Variants in PKNOX1 observed in about 807,000 individuals in gnomAD.
PKNOX1 encodes PBX/knotted 1 homeobox 1, also known as homeobox protein PKNOX1.
In PKNOX1, 15 loss-of-function variants were observed where a neutral mutation model predicts 51.9. The ratio of observed to expected loss-of-function variants is 0.29; its 90% CI spans 0.19 to 0.45. The LOEUF (loss-of-function observed/expected upper bound fraction) is 0.45. PKNOX1 is among the 20% of genes least tolerant of loss of function. The pLI, the probability that PKNOX1 is intolerant of heterozygous loss-of-function variation, is 1.00. For missense variants in PKNOX1, 462 were observed against 547.5 expected, an observed-to-expected ratio of 0.84 and a Z score of 1.56; for synonymous variants, 219 against 211.1, an observed-to-expected ratio of 1.04 and a Z score of -0.32.
intron 1 of PKNOX1, among the ~76,000 whole-genome samples, chr21:42,975,055 G>GGGCGGA (rs1459209349): frequency 1.4e-5 from 2 of 144,602 alleles, no homozygotes; most frequent in African/African-American, 2.5e-5. Context: ...CGCGGGGCGG[G>GGGCGGA]GGCGCGCGGA....
chr21:42,978,047 C>T (rs1435461774), intron 1 of PKNOX1, among the ~76,000 whole-genome samples: 1 of 152,070 alleles, frequency 6.6e-6, no homozygotes, highest in Non-Finnish European at 1.5e-5. Flanking sequence ...AGACTATTGC[C>T]CAGGTTGGAG....
At chr21:43,014,154 T>C (rs1353666807) in intron 5 of PKNOX1, among the ~76,000 whole-genome samples, 2 of 151,756 alleles carry the variant, frequency 1.3e-5, no homozygotes, top group African/African-American at 4.8e-5. Context: ...CCTGAGTAGC[T>C]GGGACTACAG....
chr21:43,029,487 G>C (rs1209188671), intron 10 of PKNOX1, among the ~76,000 whole-genome samples: 1 of 137,228 alleles, frequency 7.3e-6, no homozygotes, highest in African/African-American at 2.7e-5. Context: ...GAGTGCAATG[G>C]CGCAATCTCG....
intron 2 of PKNOX1, among the ~76,000 whole-genome samples, chr21:43,005,152 C>T (rs1978931076): frequency 1.3e-5 from 2 of 152,228 alleles, no homozygotes; most frequent in African/African-American, 4.8e-5. Context: ...ATCCCACTGA[C>T]TCTGGAGCCA....
intron 1 of PKNOX1, among the ~76,000 whole-genome samples, chr21:42,975,253 CCGGCCT>C (rs2058988538): frequency 1.3e-5 from 2 of 150,194 alleles, no homozygotes; most frequent in African/African-American, 4.9e-5. Context: ...GACCCCGGCC[CCGGCCT>C]CGGCCGTGGC....
At chr21:43,023,988 C>T (rs1486437354) in intron 8 of PKNOX1, among the ~76,000 whole-genome samples, 3 of 152,012 alleles carry the variant, frequency 2.0e-5, no homozygotes, top group South Asian at 2.1e-4. Flanking sequence ...CCTGCCTCAG[C>T]CTCCCAAAGT....
At position 43,033,262 on chromosome 21, in the gene PKNOX1, G is replaced by C. The variant is rs7936; in HGVS notation, c.*3161G>C. On this transcript the variant is annotated 3_prime_UTR_variant, in exon 11 of 11. Transcript: ENST00000291547. Reference sequence around the variant, plus strand: ...ATGCAAAAGAAACCCTCACGGCTAAGGGCTCTGGGAGTTGTGTCTGTGTGA... The same window carrying C: ...ATGCAAAAGAAACCCTCACGGCTAACGGCTCTGGGAGTTGTGTCTGTGTGA... The C allele has an allele frequency of 0.24, 36,894 of 152,244 alleles. 4,833 individuals carry two copies. The highest frequency in any genetic ancestry group is 0.29 in the Non-Finnish European group (19,889 of 67,990). 9.4% of individuals were successfully genotyped at this position (152,244 alleles called of 1,614,324 possible).
chr21:43,029,727 G>A (rs1038669570), intron 10 of PKNOX1, among the ~76,000 whole-genome samples, 163 bp from the exon 11 acceptor site: 18 of 152,142 alleles, frequency 1.2e-4, no homozygotes, highest in South Asian at 2.1e-4. Context: ...TACCGCGCCC[G>A]GCCCAGAAAC....
At chr21:42,977,891 A>G (rs1377492632) in intron 1 of PKNOX1, among the ~76,000 whole-genome samples, 1 of 151,954 alleles carries the variant, frequency 6.6e-6, no homozygotes, top group African/African-American at 2.4e-5. Context: ...CCTTCATAGA[A>G]TTGAAGAAAA....
rs1490235091 is a variant in PKNOX1 at position 43,032,330 on chromosome 21, C to T, written c.*2229C>T. 10 of 406,944 alleles carry T rather than the reference C, an allele frequency of 2.5e-5. No individual in the cohort carries two copies. Among genetic ancestry groups the T allele is most frequent in the African/African-American group, 1.0e-4 (5 of 48,832 alleles). 25.2% of individuals were successfully genotyped at this position (406,944 alleles called of 1,614,324 possible). A position where few individuals can be genotyped will look rare whatever the true frequency, so the allele number is the denominator to read the frequency against. Reference sequence around the variant, plus strand: ...CCTTCCTCCTTCCCTCACCACCCTCCGTCTCTTCGGCTGCTTGCTCTTTAG... The same window carrying T: ...CCTTCCTCCTTCCCTCACCACCCTCTGTCTCTTCGGCTGCTTGCTCTTTAG... On this transcript the variant is annotated 3_prime_UTR_variant, in exon 11 of 11. Coordinates refer to ENST00000291547, the MANE Select transcript of PKNOX1 (RefSeq NM_004571.5).
intron 1 of PKNOX1, 39 bp downstream of exon 1, chr21:42,974,703 G>A: frequency 6.0e-6 from 1 of 166,422 alleles, no homozygotes; most frequent in Non-Finnish European, 1.2e-5. Context: ...CGCCGCCGCC[G>A]CTCTCGCCGC....
chr21:43,006,234 C>T (rs1978982276), intron 2 of PKNOX1, among the ~76,000 whole-genome samples: 1 of 152,182 alleles, frequency 6.6e-6, no homozygotes, highest in Non-Finnish European at 1.5e-5. Flanking sequence ...AGCAATTCTC[C>T]TGTCTCAGCC....
intron 1 of PKNOX1, among the ~76,000 whole-genome samples, chr21:42,987,002 C>A (rs968221079): frequency 1.3e-5 from 2 of 152,080 alleles, no homozygotes; most frequent in Admixed American, 1.3e-4. Context: ...ACTCCTCCAG[C>A]AAGGCAGCGT....
intron 1 of PKNOX1, among the ~76,000 whole-genome samples, chr21:42,992,612 G>T (rs370930693): frequency 2.4e-4 from 36 of 152,150 alleles, no homozygotes; most frequent in African/African-American, 8.4e-4. Flanking sequence ...TTCTGGAGGC[G>T]CTTTCTGAAA....
In PKNOX1 at chr21:42,981,585, G is replaced by T. The variant is rs2059026199; in HGVS notation, c.-57+6921G>T. Among the ~76,000 whole-genome samples, 5 of 151,922 alleles carry T rather than the reference G, an allele frequency of 3.3e-5. No homozygotes were observed. In the South Asian group the frequency reaches 1.0e-3, roughly 32 times the overall value. On this transcript the variant is annotated intron_variant, in intron 1 of 10. Transcript: ENST00000291547. Reference sequence around the variant, plus strand: ...TTAATTTTATTTTATTTTGAGATAGGGTCTCACTTTTTCACCCAGGCTGGA... The same window carrying T: ...TTAATTTTATTTTATTTTGAGATAGTGTCTCACTTTTTCACCCAGGCTGGA...
intron 5 of PKNOX1, 58 bp downstream of exon 5, chr21:43,013,296 G>A: frequency 8.0e-7 from 1 of 1,249,500 alleles, no homozygotes. Flanking sequence ...TCTGCATTGA[G>A]TCATGAGACC....
chr21:42,987,496 A>T (rs1351865211), intron 1 of PKNOX1, among the ~76,000 whole-genome samples: 20 of 149,306 alleles, frequency 1.3e-4, no homozygotes, highest in African/African-American at 4.7e-4. Flanking sequence ...AAGATTTTTT[A>T]AAAAGTATCA....
At chr21:42,976,264 C>T (rs1377983702) in intron 1 of PKNOX1, among the ~76,000 whole-genome samples, 9 of 151,706 alleles carry the variant, frequency 5.9e-5, no homozygotes, top group African/African-American at 1.9e-4. Flanking sequence ...AATGTGCTTA[C>T]GTTAATTAAA....
intron 2 of PKNOX1, 64 bp from the exon 3 acceptor site, chr21:43,007,427 G>T: frequency 6.6e-7 from 1 of 1,511,588 alleles, no homozygotes; most frequent in Non-Finnish European, 9.2e-7. Flanking sequence ...CATTCCTGTT[G>T]GAGCATGGAA....
Sources: allele counts gnomAD v4.1 joint callset (sites outside exome capture counted in the v4.1 genomes callset), GRCh38; gene constraint gnomAD v4.1.1; transcripts MANE v1.5; gene names NCBI Gene and HGNC (gene_info 2026-07-23, HGNC 2026-07-21).